The following RBP3 variants were observed in gnomAD, a reference collection of about 807,000 sequenced individuals.
RBP3 encodes the protein retinol-binding protein 3.
A neutral mutation model predicts 64.8 loss-of-function variants in RBP3; 50 were observed. That is an observed-to-expected ratio of 0.77 (90% CI 0.61 to 0.98). The LOEUF is 0.98. RBP3 is among the 50% of genes least tolerant of loss of function. The probability of loss-of-function intolerance (pLI) is 0.00; values close to 1 mark genes in which losing one functional copy is unlikely to be tolerated. For missense variants in RBP3, 1,712 were observed against 1,660.5 expected (o/e 1.03, Z -0.54); for synonymous variants, 828 against 730.2 (o/e 1.13, Z -2.16).
chr10:47,350,380 C>T lies in RBP3; in HGVS notation c.1896C>T (p.Phe632=). Residue 632 remains phenylalanine (F), a synonymous_variant, in exon 1 of 4, where the codon TTC becomes TTT. Coordinates refer to ENST00000584701, the MANE Select transcript of RBP3 (RefSeq NM_002900.3). Reference sequence around the variant, plus strand: ...ACAAAGCCCAGGAAGTGCTGGAGTTCCACCAAAGCCTGGGGGCCTTGGTGG... The same window carrying T: ...ACAAAGCCCAGGAAGTGCTGGAGTTTCACCAAAGCCTGGGGGCCTTGGTGG... ...ALDKAQEVLE[F]HQSLGALVEG... 6.2e-7 allele frequency: 1 copy of T among 1,612,472 alleles called. No homozygotes were observed. Among genetic ancestry groups the T allele is most frequent in the Non-Finnish European group, 8.5e-7 (1 of 1,179,918 alleles).
rs1750114547 is a variant in RBP3, at chr10:47,351,424, C to T, written c.2940C>T (p.Ala980=). Residue 980 remains alanine (A), a synonymous_variant, in exon 1 of 4, where the codon GCC becomes GCT. Transcript: ENST00000584701. ...ACTCCAGGGTGACCTCAGAAGTGGCCCTAGCCGAGATCCTGGGGGCTGACC... is the reference window on the plus strand; with the variant it reads ...ACTCCAGGGTGACCTCAGAAGTGGCTCTAGCCGAGATCCTGGGGGCTGACC... ...SRYSRVTSEV[A]LAEILGADLQ... 6.2e-7 allele frequency: 1 copy of T among 1,613,736 alleles called. No individual in the cohort carries two copies. Among genetic ancestry groups the T allele is most frequent in the South Asian group, 1.1e-5 (1 of 91,080 alleles).
Position 47,348,415 on chromosome 10 carries a change from A to T in RBP3, c.-70A>T. On this transcript the variant is annotated 5_prime_UTR_variant, in exon 1 of 4. Transcript: ENST00000584701. ...ACAAGGGCGGAAGGCAGCTGCACAG[A>T]GCAGGGCCACGGCCTTGCACACAGT... 6.5e-7 allele frequency: 1 copy of T among 1,534,754 alleles called. No homozygotes were observed. Among genetic ancestry groups the T allele is most frequent in the Non-Finnish European group, 8.8e-7 (1 of 1,134,214 alleles).
chr10:47,355,178 T>G (rs1404523916), intron 2 of RBP3, among the ~76,000 whole-genome samples, 198 bp from the exon 3 acceptor site: 4 of 152,326 alleles, frequency 2.6e-5, no homozygotes, highest in African/African-American at 9.6e-5. Context: ...CTAAGTTTCT[T>G]GTTCTAAAGA....
Position 47,350,878 on chromosome 10 carries a change from C to T in RBP3, c.2394C>T (p.Ser798=). 6.2e-7 allele frequency: 1 copy of T among 1,612,614 alleles called. No individual in the cohort carries two copies. Among genetic ancestry groups the T allele is most frequent in the Non-Finnish European group, 8.5e-7 (1 of 1,179,900 alleles). ...SYSTAIPLLC[S]YFFEAEPRQH... is the part of the protein sequence containing the mutation. ...CCACGGCCATCCCGCTGCTCTGCTCCTACTTCTTTGAGGCAGAGCCCCGCC... is the reference window on the plus strand; with the variant it reads ...CCACGGCCATCCCGCTGCTCTGCTCTTACTTCTTTGAGGCAGAGCCCCGCC... Residue 798 remains serine, a synonymous_variant, in exon 1 of 4, where the codon TCC becomes TCT. Coordinates refer to ENST00000584701, the MANE Select transcript of RBP3 (RefSeq NM_002900.3).
In RBP3 at chr10:47,348,508, C is replaced by T; in HGVS notation, c.24C>T (p.Leu8=). 1.9e-6 allele frequency: 3 copies of T among 1,606,374 alleles called. No individual in the cohort carries two copies. Among genetic ancestry groups the T allele is most frequent in the Non-Finnish European group, 2.5e-6 (3 of 1,179,970 alleles). Residue 8 remains leucine (L), a synonymous_variant, in exon 1 of 4, where the codon CTC becomes CTT. Transcript: ENST00000584701. MMREWVL[L]MSVLLCGLAG... The stretch of plus-strand genomic sequence containing the variant: ...CCATGATGAGAGAATGGGTTCTGCT[C>T]ATGTCCGTGCTGCTCTGTGGCCTGG...
rs146764267 is a variant in RBP3, at chr10:47,349,654, C to A, written c.1170C>A (p.Ile390=). ...SEDPRLLVRA[I]GPTETPSWPA... Reference sequence around the variant, plus strand: ...ATCCCAGGCTCCTGGTGCGAGCCATCGGGCCCACAGAAACTCCTTCTTGGC... The same window carrying A: ...ATCCCAGGCTCCTGGTGCGAGCCATAGGGCCCACAGAAACTCCTTCTTGGC... Residue 390 remains isoleucine, a synonymous_variant, in exon 1 of 4, where the codon ATC becomes ATA. Transcript: ENST00000584701. 1 of 1,612,190 alleles carries A rather than the reference C, an allele frequency of 6.2e-7. No homozygotes were observed. The highest frequency in any genetic ancestry group is 1.3e-5 in the African/African-American group (1 of 75,042).
At chr10:47,355,188 A>C (rs1410821485) in intron 2 of RBP3, among the ~76,000 whole-genome samples, 188 bp from the exon 3 acceptor site, 1 of 152,190 alleles carries the variant, frequency 6.6e-6, no homozygotes, top group African/African-American at 2.4e-5. Context: ...TGTTCTAAAG[A>C]GACTAGTACT....
chr10:47,357,314 T>C lies in RBP3; in HGVS notation c.3601T>C (p.Ser1201Pro), dbSNP rs1555212070. Residue 1201 changes from serine to proline, a missense_variant, in exon 4 of 4, where the codon TCG becomes CCG. Ser to Pro is a moderately conservative substitution (Grantham distance 74). Transcript: ENST00000584701. The part of the protein sequence containing the change: ...TIPTARSVGA[S>P]DGSSWEGVGV... ...CCCCACGGCCCGTTCTGTGGGGGCCTCGGATGGCAGCTCCTGGGAAGGGGT... is the reference window on the plus strand; with the variant it reads ...CCCCACGGCCCGTTCTGTGGGGGCCCCGGATGGCAGCTCCTGGGAAGGGGT... 1 of 1,614,122 alleles carries C rather than the reference T, an allele frequency of 6.2e-7. No individual in the cohort carries two copies. The highest frequency in any genetic ancestry group is 1.1e-5 in the South Asian group (1 of 91,084).
Position 47,350,909 on chromosome 10 carries a change from C to G in RBP3, c.2425C>G (p.Leu809Val). The G allele has an allele frequency of 6.2e-7, 1 of 1,613,068 alleles. No homozygotes were observed. Among genetic ancestry groups the G allele is most frequent in the Non-Finnish European group, 8.5e-7 (1 of 1,180,014 alleles). ...YFFEAEPRQH[L>V]YSVFDRATSK... ...CTTTGAGGCAGAGCCCCGCCAGCAC[C>G]TGTATTCTGTCTTTGACAGGGCCAC... Residue 809 changes from leucine to valine, a missense_variant, in exon 1 of 4, where the codon CTG becomes GTG. Transcript: ENST00000584701.
At chr10:47,352,237 G>A (rs782357673) in intron 1 of RBP3, among the ~76,000 whole-genome samples, 1 of 152,214 alleles carries the variant, frequency 6.6e-6, no homozygotes, top group Non-Finnish European at 1.5e-5. Context: ...AAGCTGTTCT[G>A]CTGAAGCCAG....
At position 47,350,515 on chromosome 10, in the gene RBP3, G is replaced by C. The variant is rs1555211396; in HGVS notation, c.2031G>C (p.Val677=). 3.1e-6 allele frequency: 5 copies of C among 1,612,884 alleles called. No individual in the cohort carries two copies. In the Admixed American group the frequency reaches 6.7e-5, roughly 21 times the overall value. Residue 677 remains valine, a synonymous_variant, in exon 1 of 4, where the codon GTG becomes GTC. Coordinates refer to ENST00000584701, the MANE Select transcript of RBP3 (RefSeq NM_002900.3). ...CCCAGGGCGCCTACCGCACAGCTGT[G>C]GACTTGGAGTCTCTGGCCTCTCAGC... The part of the protein sequence containing the change: ...KLAQGAYRTA[V]DLESLASQLT...
rs781832147 is a variant in RBP3, at chr10:47,355,405, T to G, written c.3275T>G (p.Ile1092Ser). The change falls in exon 3 of 4, where the codon ATT (isoleucine) becomes AGT (serine). Residue 1092 changes from isoleucine to serine, a missense_variant. By Grantham distance (142) the Ile-to-Ser change is moderately radical. Coordinates refer to ENST00000584701, the MANE Select transcript of RBP3 (RefSeq NM_002900.3). ...RFNIGGPTSSIPILCSYFFDE... is the reference protein window; with the variant it reads ...RFNIGGPTSSSPILCSYFFDE... ...AACATCGGTGGCCCCACATCCTCCA[T>G]TCCCATCTTGTGCTCCTACTTCTTT... is the stretch of plus-strand genomic sequence containing the variant. The G allele has an allele frequency of 1.9e-6, 3 of 1,614,006 alleles. No individual in the cohort carries two copies. The highest frequency in any genetic ancestry group is 1.7e-6 in the Non-Finnish European group (2 of 1,180,046).
rs1481558190 is a variant in RBP3, at chr10:47,355,386, G to A, written c.3256G>A (p.Gly1086Ser). ...AMIIDMRFNI[G>S]GPTSSIPILC... ...CTTCCCATCCTTCAGGTTCAACATC[G>A]GTGGCCCCACATCCTCCATTCCCAT... Residue 1086 changes from glycine to serine, a missense_variant, in exon 3 of 4, where the codon GGT becomes AGT. Transcript: ENST00000584701. 2.2e-5 allele frequency: 36 copies of A among 1,613,760 alleles called. No individual in the cohort carries two copies. Among genetic ancestry groups the A allele is most frequent in the East Asian group, 6.7e-5 (3 of 44,888 alleles).
At position 47,348,983 on chromosome 10, in the gene RBP3, C is replaced by G; in HGVS notation, c.499C>G (p.Leu167Val). 1 of 1,613,960 alleles carries G rather than the reference C, an allele frequency of 6.2e-7. No homozygotes were observed. Among genetic ancestry groups the G allele is most frequent in the Non-Finnish European group, 8.5e-7 (1 of 1,180,014 alleles). ...GNLMGTSALV[L>V]DLRHCTGGQV... ...TCTCATGGGCACCTCCGCCTTAGTG[C>G]TGGATCTCCGGCACTGCACAGGAGG... is the stretch of plus-strand genomic sequence containing the variant. The change falls in exon 1 of 4, where the codon CTG becomes GTG. Residue 167 changes from leucine to valine, a missense_variant. Leu to Val is a conservative substitution (Grantham distance 32). Coordinates refer to ENST00000584701, the MANE Select transcript of RBP3 (RefSeq NM_002900.3).
chr10:47,348,718 G>A lies in RBP3; in HGVS notation c.234G>A (p.Val78=), dbSNP rs1555210882. The A allele has an allele frequency of 1.2e-6, 2 of 1,613,642 alleles. No individual in the cohort carries two copies. Among genetic ancestry groups the A allele is most frequent in the Non-Finnish European group, 1.7e-6 (2 of 1,180,034 alleles). The change falls in exon 1 of 4, where the codon GTG becomes GTA. Residue 78 remains valine, a synonymous_variant. Transcript: ENST00000584701. ...TGGCCAGTGTGCTGACAGCCGGGGT[G>A]CAGAGCTCCCTGAACGATCCTCGCC... The part of the protein sequence containing the change: ...QTLASVLTAG[V]QSSLNDPRLV...
intron 2 of RBP3, 148 bp downstream of exon 2, chr10:47,353,663 C>T (rs1014830153): frequency 7.7e-6 from 7 of 908,668 alleles, no homozygotes; most frequent in Admixed American, 4.1e-5. Flanking sequence ...ATCAGGGCTT[C>T]GGCCAGCTAG....
rs782211354 is a variant in RBP3 at position 47,351,409 on chromosome 10, G to A, written c.2925G>A (p.Val975=). ...LSGLQSRYSR[V]TSEVALAEIL... is the part of the protein sequence containing the mutation. ...GTCTGCAGAGCCGCTACTCCAGGGT[G>A]ACCTCAGAAGTGGCCCTAGCCGAGA... The change falls in exon 1 of 4, where the codon GTG becomes GTA. Residue 975 remains valine (V), a synonymous_variant. Transcript: ENST00000584701. The A allele has an allele frequency of 6.2e-7, 1 of 1,613,720 alleles. No homozygotes were observed.
Position 47,357,157 on chromosome 10 carries a change from C to G in RBP3, c.3444C>G (p.Ala1148=). The G allele has an allele frequency of 6.2e-7, 1 of 1,613,372 alleles. No homozygotes were observed. The highest frequency in any genetic ancestry group is 8.5e-7 in the Non-Finnish European group (1 of 1,179,930). The change falls in exon 4 of 4, where the codon GCC becomes GCG. Residue 1148 remains alanine (A), a synonymous_variant. Coordinates refer to ENST00000584701, the MANE Select transcript of RBP3 (RefSeq NM_002900.3). ...TCATTCTGACCAGCAGTGTGACGGC[C>G]GGCACCGCGGAGGAGTTCACCTATA... is the stretch of plus-strand genomic sequence containing the variant. The part of the protein sequence containing the change: ...SMVILTSSVT[A]GTAEEFTYIM...
chr10:47,348,888 T>C lies in RBP3; in HGVS notation c.404T>C (p.Val135Ala). 1.9e-6 allele frequency: 3 copies of C among 1,613,774 alleles called. No homozygotes were observed. The highest frequency in any genetic ancestry group is 2.5e-6 in the Non-Finnish European group (3 of 1,180,010). Residue 135 changes from valine to alanine, a missense_variant, in exon 1 of 4, where the codon GTG (valine) becomes GCG (alanine). Transcript: ENST00000584701. ...VLEGNVGYLR[V>A]DSVPGQEVLS... ...GAGGGTAATGTGGGCTACCTGCGGG[T>C]GGACAGCGTCCCGGGCCAGGAGGTG...
Sources: gnomAD v4.1 joint callset for allele counts (sites outside exome capture counted in the v4.1 genomes callset) on GRCh38, gnomAD v4.1.1 for gene constraint, MANE v1.5 for transcripts, NCBI Gene and HGNC (gene_info 2026-07-23, HGNC 2026-07-21) for gene names.